Variants in PEX5L observed in about 807,000 individuals in gnomAD.
PEX5L encodes the protein peroxisomal biogenesis factor 5 like, also known as PEX5-related protein.
A neutral mutation model predicts 84.0 loss-of-function variants in PEX5L; 30 were observed. The observed-to-expected ratio is 0.36, with a 90% CI of 0.27 to 0.48. The LOEUF (loss-of-function observed/expected upper bound fraction) is 0.48, where lower values mean the gene tolerates loss of function less well. Among genes scored for constraint, PEX5L ranks in the 20% least tolerant of loss-of-function variants. PEX5L has a pLI of 0.99. For missense variants in PEX5L, 533 were observed against 754.6 expected (o/e 0.71, Z 3.44); for synonymous variants, 270 against 283.1 (o/e 0.95, Z 0.46).
chr3:180,020,977 A>G (rs1056188407), intron 1 of PEX5L, among the ~76,000 whole-genome samples: 13 of 152,306 alleles, frequency 8.5e-5, no homozygotes, highest in African/African-American at 2.9e-4. Flanking sequence ...TGAAAAGATG[A>G]ACAAGATACA....
chr3:179,974,041 C>T (rs968056011), intron 1 of PEX5L: 3 of 985,464 alleles, frequency 3.0e-6, no homozygotes, highest in African/African-American at 1.7e-5. Context: ...CGAGCATAAT[C>T]CTCTTTCAAG....
intron 7 of PEX5L, among the ~76,000 whole-genome samples, chr3:179,873,816 G>C (rs1229122479): frequency 2.0e-5 from 3 of 152,074 alleles, no homozygotes; most frequent in Non-Finnish European, 4.4e-5. Flanking sequence ...ATACTTAGTA[G>C]CACTCATAAA....
intron 2 of PEX5L, among the ~76,000 whole-genome samples, chr3:179,926,361 G>A (rs1484695133): frequency 6.6e-6 from 1 of 152,168 alleles, no homozygotes; most frequent in African/African-American, 2.4e-5. Flanking sequence ...CCTGGAGTCA[G>A]AACCTCCTCC....
At chr3:180,019,854 C>T (rs552120254) in intron 1 of PEX5L, among the ~76,000 whole-genome samples, 35 of 152,232 alleles carry the variant, frequency 2.3e-4, no homozygotes, top group African/African-American at 8.4e-4. Context: ...TGTCCCCCCT[C>T]AATAATATAA....
At chr3:179,888,115 C>T in intron 3 of PEX5L, 1 of 1,289,296 alleles carries the variant, frequency 7.8e-7, no homozygotes, top group Non-Finnish European at 1.0e-6. Context: ...AATCCCACTC[C>T]TCACCTGGAC....
At chr3:179,930,328 C>T (rs1376696290) in intron 2 of PEX5L, among the ~76,000 whole-genome samples, 1 of 152,120 alleles carries the variant, frequency 6.6e-6, no homozygotes, top group East Asian at 1.9e-4. Flanking sequence ...TCAGCTTAAT[C>T]CTAGATTAGT....
At chr3:179,871,838 A>G (rs1389143101) in intron 7 of PEX5L, among the ~76,000 whole-genome samples, 1 of 152,140 alleles carries the variant, frequency 6.6e-6, no homozygotes, top group East Asian at 1.9e-4. Flanking sequence ...TGATTCGTGA[A>G]TTGTTCTTTG....
At chr3:179,848,566 A>G (rs1037008365) in intron 8 of PEX5L, among the ~76,000 whole-genome samples, 4 of 151,504 alleles carry the variant, frequency 2.6e-5, no homozygotes, top group Non-Finnish European at 5.9e-5. Context: ...AAAAAAAAAA[A>G]AAAGAAAAGA....
intron 2 of PEX5L, among the ~76,000 whole-genome samples, chr3:179,925,306 C>G (rs561929528): frequency 6.6e-6 from 1 of 152,316 alleles, no homozygotes; most frequent in Non-Finnish European, 1.5e-5. Flanking sequence ...TACTCCCCAT[C>G]TGCCTAGCTC....
In PEX5L at chr3:179,851,149, GAAGT is replaced by G. The variant is rs200639382; in HGVS notation, c.822+7909_822+7912del. Among the ~76,000 whole-genome samples, 143 of 152,286 alleles carry G rather than the reference GAAGT, an allele frequency of 9.4e-4. No individual in the cohort carries two copies. In the East Asian group the frequency reaches 0.027, roughly 28 times the overall value. On this transcript the variant is annotated intron_variant, in intron 8 of 14. Coordinates refer to ENST00000467460, the MANE Select transcript of PEX5L (RefSeq NM_016559.3). ...GGCATCTGTTAGTTAAAGTTAAAGA[GAAGT>G]AAAGAAAGTCACTGTCAGCCTGTTT...
chr3:179,813,953 GGC>G (rs1725008059), intron 10 of PEX5L, among the ~76,000 whole-genome samples: 1 of 151,374 alleles, frequency 6.6e-6, no homozygotes, highest in African/African-American at 2.4e-5. Context: ...TGGGATTACA[GGC>G]GTGAGCCACC....
intron 2 of PEX5L, among the ~76,000 whole-genome samples, chr3:179,958,719 C>T (rs1384697757): frequency 6.6e-6 from 1 of 152,192 alleles, no homozygotes; most frequent in Non-Finnish European, 1.5e-5. Flanking sequence ...AGGTTAGGGA[C>T]ATTCAGATAA....
chr3:179,891,952 A>G (rs1389878664), intron 3 of PEX5L, among the ~76,000 whole-genome samples: 2 of 152,156 alleles, frequency 1.3e-5, no homozygotes, highest in East Asian at 1.9e-4. Context: ...TTCCTTATGC[A>G]TTAGTAGGAT....
intron 1 of PEX5L, among the ~76,000 whole-genome samples, chr3:179,998,140 G>T (rs1788065622): frequency 6.6e-6 from 1 of 152,166 alleles, no homozygotes; most frequent in Non-Finnish European, 1.5e-5. Flanking sequence ...ATTTCTAGGG[G>T]TCCAGTGGTG....
At chr3:179,969,753 A>G (rs1423857245) in intron 2 of PEX5L, among the ~76,000 whole-genome samples, 2 of 152,148 alleles carry the variant, frequency 1.3e-5, no homozygotes, top group African/African-American at 4.8e-5. Flanking sequence ...TCACTGCCAA[A>G]CAGTACCAAC....
chr3:180,007,306 C>T (rs1788996559), intron 1 of PEX5L, among the ~76,000 whole-genome samples: 2 of 152,196 alleles, frequency 1.3e-5, no homozygotes, highest in South Asian at 4.1e-4. Context: ...CATGCTGATG[C>T]AAGAGGTGGG....
intron 2 of PEX5L, among the ~76,000 whole-genome samples, chr3:179,942,145 G>C (rs1315591366): frequency 2.0e-5 from 3 of 152,110 alleles, no homozygotes; most frequent in Non-Finnish European, 4.4e-5. Context: ...AGCTGTTGCC[G>C]TCTGTATGTA....
At chr3:179,812,907 G>C (rs1215567156) in intron 10 of PEX5L, among the ~76,000 whole-genome samples, 1 of 151,856 alleles carries the variant, frequency 6.6e-6, no homozygotes, top group Non-Finnish European at 1.5e-5. Context: ...CATCATTTTA[G>C]ATTATACCGT....
intron 4 of PEX5L, among the ~76,000 whole-genome samples, chr3:179,885,539 G>T (rs377048934): frequency 3.3e-5 from 5 of 152,046 alleles, no homozygotes; most frequent in African/African-American, 1.2e-4. Context: ...CCAGCTACTT[G>T]GGAGGCTGAT....
Sources: gnomAD v4.1 joint callset for allele counts (sites outside exome capture counted in the v4.1 genomes callset) on GRCh38, gnomAD v4.1.1 for gene constraint, MANE v1.5 for transcripts, NCBI Gene and HGNC (gene_info 2026-07-23, HGNC 2026-07-21) for gene names.